NINL: variants seen among roughly 807,000 people sequenced by gnomAD.
NINL encodes the protein ninein like.
NINL carries 153 observed loss-of-function variants against 160.3 expected under a neutral mutation model. That is an observed-to-expected ratio of 0.95 (90% CI 0.84 to 1.09). NINL has a LOEUF of 1.09. NINL is among the 50% of genes least tolerant of loss of function. The pLI is 0.00. For synonymous variants in NINL, 800 were observed against 734.8 expected (o/e 1.09, Z -1.43); for missense variants, 1,829 against 1,764.0 (o/e 1.04, Z -0.66).
chr20:25,539,179 G>C (rs552014566), intron 1 of NINL, among the ~76,000 whole-genome samples: 6 of 152,224 alleles, frequency 3.9e-5, no homozygotes, highest in African/African-American at 1.4e-4. Flanking sequence ...GGACAGCAAA[G>C]ATAAGGAGTC....
chr20:25,489,936 G>A lies in NINL; in HGVS notation c.1535C>T (p.Ser512Leu), dbSNP rs140581724. ...CTTCAGGGCCAGCCTCTCCGAATCC[G>A]AAAGCTTTTCCACCACTTCCACAAT... ...KEIVEVVEKL[S>L]DSERLALKLQ... is the part of the protein sequence containing the mutation. Residue 512 changes from serine to leucine, a missense_variant, in exon 12 of 24, where the codon TCG (serine) becomes TTG (leucine). By Grantham distance (145) the Ser-to-Leu change is moderately radical. Transcript: ENST00000278886. 103 of 1,614,144 alleles carry A rather than the reference G, an allele frequency of 6.4e-5. No homozygotes were observed. In the African/African-American group the frequency reaches 9.5e-4, roughly 15 times the overall value.
At position 25,477,046 on chromosome 20, in the gene NINL, C is replaced by T. The variant is rs2063273045; in HGVS notation, c.2245G>A (p.Gly749Arg). Residue 749 changes from glycine to arginine, a missense_variant, in exon 17 of 24, where the codon GGA becomes AGA. By Grantham distance (125) the Gly-to-Arg change is moderately radical (BLOSUM62 -2). Coordinates refer to ENST00000278886, the MANE Select transcript of NINL (RefSeq NM_025176.6). ...AELSGELSGL[G>R]ALPARRDLTL... ...AGGTCTCTGCGAGCGGGCAGGGCTC[C>T]CAGCCCCGACAGCTCTCCACTCAGC... is the stretch of plus-strand genomic sequence containing the variant. 2 of 1,598,600 alleles carry T rather than the reference C, an allele frequency of 1.3e-6. No individual in the cohort carries two copies. Among genetic ancestry groups the T allele is most frequent in the Non-Finnish European group, 1.7e-6 (2 of 1,179,588 alleles).
chr20:25,543,534 C>A (rs1193603526), intron 1 of NINL, among the ~76,000 whole-genome samples: 1 of 152,118 alleles, frequency 6.6e-6, no homozygotes, highest in East Asian at 1.9e-4. Flanking sequence ...AAAGGAAAAT[C>A]CTAACTTTCG....
rs1232941279 is a variant in NINL at position 25,510,687 on chromosome 20, T to G, written c.504A>C (p.Leu168Phe). 1 of 1,613,958 alleles carries G rather than the reference T, an allele frequency of 6.2e-7. No individual in the cohort carries two copies. Among genetic ancestry groups the G allele is most frequent in the South Asian group, 1.1e-5 (1 of 91,070 alleles). ...CTGAGGCTTTACCTTGTGCTTCAAATAATTCATTCTGAGCTTCTTTAGTGC... is the reference window on the plus strand; with the variant it reads ...CTGAGGCTTTACCTTGTGCTTCAAAGAATTCATTCTGAGCTTCTTTAGTGC... ...AESTKEAQNE[L>F]FEAQGQLQTW... The change falls in exon 5 of 24, where the codon TTA becomes TTC. Residue 168 changes from leucine to phenylalanine, a missense_variant. Physicochemically the swap from Leu to Phe is conservative, Grantham distance 22. Transcript: ENST00000278886.
At chr20:25,503,440 G>A (rs1449911989) in intron 7 of NINL, among the ~76,000 whole-genome samples, 1 of 133,000 alleles carries the variant, frequency 7.5e-6, no homozygotes, top group Admixed American at 7.3e-5. Context: ...CCCAGGAGGT[G>A]GGCACCTGAG....
At chr20:25,498,495 G>A in intron 8 of NINL, 149 bp from the exon 9 acceptor site, 1 of 1,043,774 alleles carries the variant, frequency 9.6e-7, no homozygotes, top group Non-Finnish European at 1.4e-6. Context: ...TCTGCGTCTT[G>A]AGGGGTGCTC....
intron 5 of NINL, 28 bp downstream of exon 5, chr20:25,510,646 A>G: frequency 6.2e-7 from 1 of 1,605,444 alleles, no homozygotes; most frequent in Non-Finnish European, 8.5e-7. Flanking sequence ...AAAGGCAGAG[A>G]GCACTGAATG....
intron 16 of NINL, 73 bp from the exon 17 acceptor site, chr20:25,477,162 A>T: frequency 7.2e-7 from 1 of 1,391,770 alleles, no homozygotes; most frequent in Non-Finnish European, 9.5e-7. Flanking sequence ...AAGTCTGCCC[A>T]GCTGTTGCAA....
intron 14 of NINL, 62 bp downstream of exon 14, chr20:25,481,906 C>T: frequency 1.3e-6 from 2 of 1,567,362 alleles, no homozygotes; most frequent in South Asian, 2.3e-5. Flanking sequence ...CTTTTCCTGG[C>T]TCTGGGCCTT....
rs754027862 is a variant in NINL at position 25,504,097 on chromosome 20, T to C, written c.716A>G (p.Glu239Gly). Reference sequence around the variant, plus strand: ...TTGATCCAGTTTGTTAAACAGGTCTTCGAGTTCCTAAACAAAAGCCGTCAT... The same window carrying C: ...TTGATCCAGTTTGTTAAACAGGTCTCCGAGTTCCTAAACAAAAGCCGTCAT... ...GLQGLEKEEL[E>G]DLFNKLDQDG... The change falls in exon 7 of 24, where the codon GAA becomes GGA. Residue 239 changes from glutamate to glycine, a missense_variant. Glu to Gly is a moderately conservative substitution (Grantham distance 98). Transcript: ENST00000278886. The C allele has an allele frequency of 6.4e-7, 1 of 1,571,224 alleles. No homozygotes were observed. Among genetic ancestry groups the C allele is most frequent in the East Asian group, 2.3e-5 (1 of 43,978 alleles).
At chr20:25,554,687 G>C (rs1011885289) in intron 1 of NINL, among the ~76,000 whole-genome samples, 1 of 149,346 alleles carries the variant, frequency 6.7e-6, no homozygotes, top group Non-Finnish European at 1.5e-5. Flanking sequence ...GGGGTCTGTA[G>C]TCCTAGCTAT....
chr20:25,510,675 T>A lies in NINL; in HGVS notation c.516A>T (p.Gln172His), dbSNP rs774713865. Residue 172 changes from glutamine (Q) to histidine (H), a missense_variant and splice_region_variant, in exon 5 of 24, where the codon CAA becomes CAT. Transcript: ENST00000278886. ...CTGAATGCGAGGCTGAGGCTTTACCTTGTGCTTCAAATAATTCATTCTGAG... is the reference window on the plus strand; with the variant it reads ...CTGAATGCGAGGCTGAGGCTTTACCATGTGCTTCAAATAATTCATTCTGAG... ...KEAQNELFEA[Q>H]GQLQTWDSED... The A allele has an allele frequency of 1.2e-6, 2 of 1,613,658 alleles. No individual in the cohort carries two copies. Among genetic ancestry groups the A allele is most frequent in the East Asian group, 4.5e-5 (2 of 44,884 alleles).
intron 1 of NINL, among the ~76,000 whole-genome samples, chr20:25,558,431 C>T (rs1263609814): frequency 6.6e-5 from 10 of 152,336 alleles, no homozygotes; most frequent in African/African-American, 2.4e-4. Flanking sequence ...CAGTCTCAAA[C>T]CCCTGACCTT....
At chr20:25,583,476 A>T (rs2065195768) in intron 1 of NINL, among the ~76,000 whole-genome samples, 1 of 152,218 alleles carries the variant, frequency 6.6e-6, no homozygotes, top group Non-Finnish European at 1.5e-5. Context: ...AGGAAACAAC[A>T]GATGCTGGAG....
intron 11 of NINL, 110 bp from the exon 12 acceptor site, chr20:25,490,095 C>T (rs1052886231): frequency 1.0e-6 from 1 of 977,374 alleles, no homozygotes; most frequent in Non-Finnish European, 1.6e-6. Context: ...AGGAAAGAAC[C>T]CCCACCCACC....
intron 1 of NINL, among the ~76,000 whole-genome samples, chr20:25,539,407 G>C (rs913792): frequency 1 from 152,205 of 152,368 alleles, 76,021 homozygotes; most frequent in East Asian, 1. Context: ...GGCAGCTCAG[G>C]TCTGGGCAAG....
intron 22 of NINL, among the ~76,000 whole-genome samples, chr20:25,457,110 G>A (rs1435291319): frequency 3.3e-5 from 5 of 152,052 alleles, no homozygotes; most frequent in African/African-American, 9.7e-5. Context: ...TGGATCACGA[G>A]GTCAGGAGAT....
At chr20:25,565,565 G>A (rs1238120126) in intron 1 of NINL, among the ~76,000 whole-genome samples, 1 of 152,124 alleles carries the variant, frequency 6.6e-6, no homozygotes, top group African/African-American at 2.4e-5. Flanking sequence ...ACATCAACAG[G>A]GCTGTAGTAT....
intron 8 of NINL, 48 bp downstream of exon 8, chr20:25,500,792 G>C: frequency 1.9e-6 from 3 of 1,583,690 alleles, no homozygotes; most frequent in Non-Finnish European, 2.6e-6. Context: ...TGCAGCAGAC[G>C]GGCCCCCCAG....
Sources: allele counts gnomAD v4.1 joint callset (sites outside exome capture counted in the v4.1 genomes callset), GRCh38; gene constraint gnomAD v4.1.1; transcripts MANE v1.5; gene names NCBI Gene and HGNC (gene_info 2026-07-23, HGNC 2026-07-21).